TBC1D5: variants seen among roughly 807,000 people sequenced by gnomAD.
TBC1D5 encodes TBC1 domain family, member 5.
A neutral mutation model predicts 100.3 loss-of-function variants in TBC1D5; 75 were observed. That is an observed-to-expected ratio of 0.75 (90% CI 0.62 to 0.91). The LOEUF is 0.91. Ranked by LOEUF, TBC1D5 falls within the 40% of genes least tolerant of loss-of-function variation. The pLI, the probability that TBC1D5 is intolerant of heterozygous loss-of-function variation, is 0.00. For missense variants in TBC1D5, 910 were observed against 942.4 expected, an observed-to-expected ratio of 0.97 and a Z score of 0.45; for synonymous variants, 323 against 325.6, an observed-to-expected ratio of 0.99 and a Z score of 0.09.
At chr3:17,573,071 A>G (rs2096637131) in intron 2 of TBC1D5, among the ~76,000 whole-genome samples, 1 of 152,186 alleles carries the variant, frequency 6.6e-6, no homozygotes, top group South Asian at 2.1e-4. Context: ...TGGCCTTGAG[A>G]GATCCATACA....
At chr3:17,475,678 A>G (rs2095429865) in intron 3 of TBC1D5, among the ~76,000 whole-genome samples, 1 of 152,152 alleles carries the variant, frequency 6.6e-6, no homozygotes, top group Non-Finnish European at 1.5e-5. Flanking sequence ...ATTCCCAGTC[A>G]GAAGCTGAAG....
intron 21 of TBC1D5, among the ~76,000 whole-genome samples, chr3:17,164,096 A>G (rs543657007): frequency 3.4e-4 from 52 of 152,208 alleles, no homozygotes; most frequent in Non-Finnish European, 6.8e-4. Flanking sequence ...TCTATAGAAT[A>G]CAATTTCACA....
At chr3:17,328,241 G>C (rs1001267436) in intron 13 of TBC1D5, among the ~76,000 whole-genome samples, 3 of 151,642 alleles carry the variant, frequency 2.0e-5, no homozygotes, top group Admixed American at 6.6e-5. Flanking sequence ...CTGCACTCCA[G>C]CCTGAGTGAC....
chr3:17,663,259 AC>A (rs1015890865), intron 1 of TBC1D5: 1 of 94,382 alleles, frequency 1.1e-5, no homozygotes, highest in African/African-American at 3.5e-5. Flanking sequence ...ATATTTGATT[AC>A]ATAAAAATTT....
chr3:17,494,281 C>A (rs1321503499), intron 3 of TBC1D5, among the ~76,000 whole-genome samples: 3 of 152,106 alleles, frequency 2.0e-5, no homozygotes, highest in Non-Finnish European at 2.9e-5. Flanking sequence ...ATGGGCTGCT[C>A]CTTCCTCTGG....
chr3:17,201,400 ACTTC>A (rs1293390686), intron 18 of TBC1D5, among the ~76,000 whole-genome samples: 1 of 152,140 alleles, frequency 6.6e-6, no homozygotes, highest in East Asian at 1.9e-4. Context: ...TGCCAGCAAT[ACTTC>A]CAGGTGTATT....
At chr3:17,173,021 C>T (rs2067320421) in intron 19 of TBC1D5, among the ~76,000 whole-genome samples, 1 of 152,176 alleles carries the variant, frequency 6.6e-6, no homozygotes, top group African/African-American at 2.4e-5. Context: ...GGAGACAGCA[C>T]AGATCAAGTG....
intron 2 of TBC1D5, among the ~76,000 whole-genome samples, chr3:17,621,227 G>A (rs1204744912): frequency 6.6e-6 from 1 of 152,090 alleles, no homozygotes; most frequent in African/African-American, 2.4e-5. Context: ...TTTTCAATAT[G>A]CATTTGTGTA....
chr3:17,243,617 T>C (rs944537658), intron 16 of TBC1D5, among the ~76,000 whole-genome samples: 1 of 152,094 alleles, frequency 6.6e-6, no homozygotes, highest in Non-Finnish European at 1.5e-5. Flanking sequence ...TTAACAAAGA[T>C]AAATAAAAGC....
At chr3:17,520,619 C>T (rs563458393) in intron 2 of TBC1D5, among the ~76,000 whole-genome samples, 1 of 150,936 alleles carries the variant, frequency 6.6e-6, no homozygotes, top group South Asian at 2.1e-4. Flanking sequence ...CAATCAATCT[C>T]CTTCTCTCAA....
At chr3:17,265,611 C>T (rs2078764306) in intron 15 of TBC1D5, among the ~76,000 whole-genome samples, 1 of 151,980 alleles carries the variant, frequency 6.6e-6, no homozygotes, top group African/African-American at 2.4e-5. Context: ...TTCTCAGGAC[C>T]CCAAAGGCAA....
At chr3:17,456,240 C>T (rs920404134) in intron 3 of TBC1D5, among the ~76,000 whole-genome samples, 19 of 152,086 alleles carry the variant, frequency 1.2e-4, no homozygotes, top group African/African-American at 4.3e-4. Context: ...TTGGTCTGGG[C>T]AAAGATTTCT....
chr3:17,469,263 GA>G (rs34397927), intron 3 of TBC1D5, among the ~76,000 whole-genome samples: 1 of 152,140 alleles, frequency 6.6e-6, no homozygotes, highest in Non-Finnish European at 1.5e-5. Flanking sequence ...CTAAAATGTA[GA>G]AAAAGATGGT....
At chr3:17,186,710 CAAAAAAAAAAAA>C (rs58438478) in intron 18 of TBC1D5, among the ~76,000 whole-genome samples, 11 of 27,286 alleles carry the variant, frequency 4.0e-4, no homozygotes, top group South Asian at 5.2e-3. Context: ...ACTCTATCTC[CAAAAAAAAAAAA>C]AAAAAAAAAA....
At chr3:17,186,709 C>T (rs1290954822) in intron 18 of TBC1D5, among the ~76,000 whole-genome samples, 2 of 8,114 alleles carry the variant, frequency 2.5e-4, no homozygotes, top group Non-Finnish European at 4.3e-4. Flanking sequence ...AACTCTATCT[C>T]CAAAAAAAAA....
chr3:17,376,752 GA>G, intron 9 of TBC1D5, 139 bp from the exon 10 acceptor site: 1 of 559,120 alleles, frequency 1.8e-6, no homozygotes. Context: ...CATAAAAACG[GA>G]AAGCTACAAG....
intron 1 of TBC1D5, among the ~76,000 whole-genome samples, chr3:17,633,428 A>G (rs973679590): frequency 6.6e-6 from 1 of 152,128 alleles, no homozygotes; most frequent in Admixed American, 6.5e-5. Flanking sequence ...CAACAGCGAG[A>G]CTCCATCTCA....
chr3:17,683,800 G>A (rs538714294), intron 1 of TBC1D5, among the ~76,000 whole-genome samples: 75 of 152,202 alleles, frequency 4.9e-4, no homozygotes, highest in African/African-American at 1.0e-3. Context: ...GAAGATCAAC[G>A]AATAATCCAT....
intron 13 of TBC1D5, among the ~76,000 whole-genome samples, chr3:17,352,344 T>C (rs1198355882): frequency 6.6e-6 from 1 of 152,076 alleles, no homozygotes; most frequent in East Asian, 1.9e-4. Flanking sequence ...CATACATTAA[T>C]GATATGTCAA....
Sources: gnomAD v4.1 joint callset for allele counts (sites outside exome capture counted in the v4.1 genomes callset) on GRCh38, gnomAD v4.1.1 for gene constraint, MANE v1.5 for transcripts, NCBI Gene and HGNC (gene_info 2026-07-23, HGNC 2026-07-21) for gene names.